The following NAA35 variants were observed in gnomAD, a reference collection of about 807,000 sequenced individuals.
NAA35 encodes MAK10 homolog, amino-acid N-acetyltransferase subunit.
A neutral mutation model predicts 101.7 loss-of-function variants in NAA35; 18 were observed. That is an observed-to-expected ratio of 0.18 (90% CI 0.12 to 0.26). NAA35 has a LOEUF of 0.26. NAA35 is among the 10% of genes least tolerant of loss of function. The pLI is 1.00. For missense variants in NAA35, 601 were observed against 886.8 expected (o/e 0.68, Z 4.09); for synonymous variants, 267 against 273.1 (o/e 0.98, Z 0.22).
chr9:85,970,627 C>G (rs539568688), intron 6 of NAA35, among the ~76,000 whole-genome samples: 2 of 152,238 alleles, frequency 1.3e-5, no homozygotes, highest in South Asian at 4.1e-4. Flanking sequence ...GAAGAAATAT[C>G]AGGCACACCC....
chr9:85,953,895 G>T (rs946019668), intron 2 of NAA35, among the ~76,000 whole-genome samples: 1 of 152,096 alleles, frequency 6.6e-6, no homozygotes, highest in Non-Finnish European at 1.5e-5. Flanking sequence ...ATATTCCATT[G>T]TATGTGTAGA....
chr9:85,966,982 C>T (rs1829769741), intron 6 of NAA35, among the ~76,000 whole-genome samples: 1 of 152,140 alleles, frequency 6.6e-6, no homozygotes. Flanking sequence ...TGGCACATGC[C>T]TGTAGTCATA....
chr9:86,002,890 G>A (rs562288861), intron 12 of NAA35, among the ~76,000 whole-genome samples: 5 of 152,296 alleles, frequency 3.3e-5, no homozygotes, highest in African/African-American at 1.2e-4. Flanking sequence ...AACTGGTGCA[G>A]TCATTTGGAG....
intron 4 of NAA35, among the ~76,000 whole-genome samples, chr9:85,959,258 C>T (rs754581786): frequency 6.6e-6 from 1 of 151,816 alleles, no homozygotes; most frequent in Non-Finnish European, 1.5e-5. Context: ...CGCCTGTAGT[C>T]CCAGCTAATC....
At chr9:85,987,274 ATGT>A (rs1223459326) in intron 11 of NAA35, among the ~76,000 whole-genome samples, 3 of 152,196 alleles carry the variant, frequency 2.0e-5, no homozygotes, top group African/African-American at 4.8e-5. Flanking sequence ...AAAGTTAAAA[ATGT>A]TGTGTGTATT....
chr9:85,976,096 C>T (rs1329694612), intron 8 of NAA35, among the ~76,000 whole-genome samples: 1 of 152,044 alleles, frequency 6.6e-6, no homozygotes, highest in African/African-American at 2.4e-5. Flanking sequence ...AAATACAGAT[C>T]AAAGGAGTTA....
chr9:85,975,066 T>C (rs1830152188), intron 7 of NAA35, 33 bp downstream of exon 7: 6 of 1,611,990 alleles, frequency 3.7e-6, no homozygotes, highest in East Asian at 2.2e-5. Flanking sequence ...TTCACAAGTT[T>C]TACATTTTCA....
At chr9:85,946,368 G>C (rs905323301) in intron 2 of NAA35, among the ~76,000 whole-genome samples, 3 of 152,010 alleles carry the variant, frequency 2.0e-5, no homozygotes, top group Admixed American at 2.0e-4. Flanking sequence ...TGGCCTTAAG[G>C]GATCCTCTTG....
chr9:85,942,103 C>T, intron 1 of NAA35, 52 bp from the exon 2 acceptor site: 5 of 1,586,626 alleles, frequency 3.2e-6, no homozygotes, highest in Admixed American at 1.9e-5. Flanking sequence ...TCTGCAAATA[C>T]TCTTGCCCTG....
At chr9:86,018,218 T>G in intron 19 of NAA35, 37 bp from the exon 20 acceptor site, 4 of 1,583,852 alleles carry the variant, frequency 2.5e-6, no homozygotes, top group South Asian at 2.3e-5. Flanking sequence ...TTTTTCATAT[T>G]GATTTCATCT....
At position 85,975,009 on chromosome 9, in the gene NAA35, A is replaced by G. The variant is rs906143601; in HGVS notation, c.559A>G (p.Ser187Gly). 6.8e-6 allele frequency: 11 copies of G among 1,613,116 alleles called. No homozygotes were observed. The highest frequency in any genetic ancestry group is 9.3e-6 in the Non-Finnish European group (11 of 1,179,414). The change falls in exon 7 of 23, where the codon AGT becomes GGT. Residue 187 changes from serine to glycine, a missense_variant. Physicochemically the swap from Ser to Gly is moderately conservative, Grantham distance 56. This residue lies in a region of NAA35 where 86 missense variants were observed against 169.4 expected (regional missense o/e 0.51). Coordinates refer to ENST00000361671, the MANE Select transcript of NAA35 (RefSeq NM_024635.4). ...GACTTATGGATTTAAAATGGCTAACAGTGTGACAGATCTTCGAGTTACAGG... is the reference window on the plus strand; with the variant it reads ...GACTTATGGATTTAAAATGGCTAACGGTGTGACAGATCTTCGAGTTACAGG... ...SMTYGFKMAN[S>G]VTDLRVTGML...
chr9:85,995,668 A>T (rs937177236), intron 11 of NAA35, among the ~76,000 whole-genome samples: 1 of 152,172 alleles, frequency 6.6e-6, no homozygotes, highest in Non-Finnish European at 1.5e-5. Flanking sequence ...GCCAGTTTGT[A>T]GACTAGCAGG....
chr9:86,018,663 A>T, intron 20 of NAA35, 36 bp from the exon 21 acceptor site: 1 of 1,595,348 alleles, frequency 6.3e-7, no homozygotes. Context: ...TGTTCATATT[A>T]AACGTGTTTT....
At chr9:85,991,932 T>C (rs1023371829) in intron 11 of NAA35, among the ~76,000 whole-genome samples, 1 of 152,052 alleles carries the variant, frequency 6.6e-6, no homozygotes, top group African/African-American at 2.4e-5. Flanking sequence ...CCCAGCACTT[T>C]GGGAGGCCAA....
chr9:85,970,707 G>A (rs1829964513), intron 6 of NAA35, among the ~76,000 whole-genome samples: 1 of 152,056 alleles, frequency 6.6e-6, no homozygotes. Context: ...TTGAAGTACT[G>A]TTTGAAAAGA....
chr9:85,965,568 G>A (rs1203637626), intron 6 of NAA35, among the ~76,000 whole-genome samples: 1 of 152,086 alleles, frequency 6.6e-6, no homozygotes, highest in African/African-American at 2.4e-5. Flanking sequence ...GGTCAAGGCT[G>A]CAGTGAGCTG....
At chr9:85,971,690 C>T (rs1465643872) in intron 6 of NAA35, among the ~76,000 whole-genome samples, 1 of 152,174 alleles carries the variant, frequency 6.6e-6, no homozygotes, top group East Asian at 1.9e-4. Context: ...ACCTGCTCCT[C>T]CCAAATACTG....
At position 85,973,688 on chromosome 9, in the gene NAA35, G is replaced by A. The variant is rs908498492; in HGVS notation, c.517-1279G>A. ...GTAAAATTTGAGAATCCTGTTTGAT[G>A]TCCAAGTAGAGACAGACTATAAAAG... On this transcript the variant is annotated intron_variant, in intron 6 of 22. Transcript: ENST00000361671. 3.9e-5 allele frequency among the ~76,000 whole-genome samples: 6 copies of A among 151,936 alleles called. 1 individual carries two copies. The highest frequency in any genetic ancestry group is 1.3e-4 in the Admixed American group (2 of 15,252).
At chr9:86,016,277 TATA>T (rs1479994480) in intron 17 of NAA35, among the ~76,000 whole-genome samples, 1 of 152,190 alleles carries the variant, frequency 6.6e-6, no homozygotes, top group East Asian at 1.9e-4. Context: ...TGTGTTCTGA[TATA>T]ATAAAAACTT....
Sources: allele counts gnomAD v4.1 joint callset (sites outside exome capture counted in the v4.1 genomes callset), GRCh38; gene constraint gnomAD v4.1.1; regional missense constraint gnomAD v4.1.1; transcripts MANE v1.5; gene names NCBI Gene and HGNC (gene_info 2026-07-23, HGNC 2026-07-21).